Variants in RANBP3 observed in about 807,000 individuals in gnomAD.
RANBP3 encodes RAN binding protein 3.
In RANBP3, 14 loss-of-function variants were observed where a neutral mutation model predicts 77.3. The observed-to-expected ratio is 0.18, with a 90% CI of 0.12 to 0.28. The LOEUF is 0.28. Ranked by LOEUF, RANBP3 falls within the 10% of genes least tolerant of loss-of-function variation. The probability of loss-of-function intolerance (pLI) is 1.00; values close to 1 mark genes in which losing one functional copy is unlikely to be tolerated. For missense variants in RANBP3, 586 were observed against 752.3 expected (o/e 0.78, Z 2.59); for synonymous variants, 315 against 312.4 (o/e 1.01, Z -0.09).
In RANBP3 at chr19:5,937,969, C is replaced by A. The variant is rs754792277; in HGVS notation, c.406+3652G>T. Among the ~76,000 whole-genome samples, 6 of 152,192 alleles carry A rather than the reference C, an allele frequency of 3.9e-5. No homozygotes were observed. The East Asian group carries it at 1.2e-3, about 29-fold the overall frequency. On this transcript the variant is annotated intron_variant, in intron 5 of 16. Coordinates refer to ENST00000340578, the MANE Select transcript of RANBP3 (RefSeq NM_007322.3). ...TCTGTGCCCCCATCCAGACCACCACCTGCTAAGCGACACCCCAGGAATAAC... is the reference window on the plus strand; with the variant it reads ...TCTGTGCCCCCATCCAGACCACCACATGCTAAGCGACACCCCAGGAATAAC...
At chr19:5,920,694 T>C (rs1021323357) in intron 14 of RANBP3, among the ~76,000 whole-genome samples, 1 of 152,110 alleles carries the variant, frequency 6.6e-6, no homozygotes, top group African/African-American at 2.4e-5. Flanking sequence ...ATTACAGACA[T>C]GTATCACCAT....
chr19:5,941,671 A>G lies in RANBP3; in HGVS notation c.356T>C (p.Val119Ala). ...TAAAGAGGATGTTCTTTCTCGCTTG[A>G]CAGGAGGGCAGTAATTTCCATCTTC... ...DREDGNYCPP[V>A]KRERTSSLTQ... is the part of the protein sequence containing the mutation. Residue 119 changes from valine to alanine, a missense_variant, in exon 5 of 17, where the codon GTC becomes GCC. Transcript: ENST00000340578. The G allele has an allele frequency of 6.2e-7, 1 of 1,613,858 alleles. No individual in the cohort carries two copies. Among genetic ancestry groups the G allele is most frequent in the Non-Finnish European group, 8.5e-7 (1 of 1,179,922 alleles).
intron 3 of RANBP3, among the ~76,000 whole-genome samples, chr19:5,949,680 T>C (rs1375754527): frequency 6.6e-6 from 1 of 152,104 alleles, no homozygotes; most frequent in African/African-American, 2.4e-5. Context: ...CACCTGCCAG[T>C]GTGGGGGACT....
At chr19:5,937,656 G>T (rs1275268301) in intron 5 of RANBP3, among the ~76,000 whole-genome samples, 2 of 152,222 alleles carry the variant, frequency 1.3e-5, no homozygotes, top group East Asian at 3.8e-4. Context: ...GGCAGACAAG[G>T]ATGTGAAGTT....
chr19:5,953,281 C>T (rs2145192892), intron 2 of RANBP3, among the ~76,000 whole-genome samples: 1 of 152,302 alleles, frequency 6.6e-6, no homozygotes, highest in East Asian at 1.9e-4. Context: ...GAATCGTAAG[C>T]TCTAAAGAAC....
chr19:5,963,505 C>T (rs1451531231), intron 1 of RANBP3, among the ~76,000 whole-genome samples: 8 of 152,192 alleles, frequency 5.3e-5, no homozygotes, highest in Admixed American at 1.3e-4. Context: ...GAGCCATGAT[C>T]GTGCCACTGC....
rs372840249 is a variant in RANBP3, at chr19:5,933,415, T to G, written c.471A>C (p.Ala157=). The change falls in exon 6 of 17, where the codon GCA becomes GCC. Residue 157 remains alanine (A), a splice_region_variant and synonymous_variant. Transcript: ENST00000340578. The part of the protein sequence containing the change: ...PTLIHGQAPS[A]GLPSQKPKEQ... ...GCCCCAGGGAGGTAGACGACCTACC[T>G]GCGCTGGGGGCTTGGCCGTGGATCA... 1.2e-6 allele frequency: 2 copies of G among 1,611,190 alleles called. No homozygotes were observed. Among genetic ancestry groups the G allele is most frequent in the African/African-American group, 2.7e-5 (2 of 74,842 alleles).
In RANBP3 at chr19:5,959,497, G is replaced by GT. The variant is rs1474574379; in HGVS notation, c.23-1525dup. On this transcript the variant is annotated intron_variant, in intron 1 of 16. Transcript: ENST00000340578. The surrounding 1 kb of genome is among the most constrained non-coding windows in gnomAD (Gnocchi z 5.1). Reference sequence around the variant, plus strand: ...GGCACACCAGGGTCTGATTCACCGTGTACAGCCAAGGCAAACACTGGAGTG... The same window carrying GT: ...GGCACACCAGGGTCTGATTCACCGTGTTACAGCCAAGGCAAACACTGGAGTG... Among the ~76,000 whole-genome samples, 1 of 152,110 alleles carries GT rather than the reference G, an allele frequency of 6.6e-6. No homozygotes were observed. Among genetic ancestry groups the GT allele is most frequent in the East Asian group, 1.9e-4 (1 of 5,170 alleles).
chr19:5,927,658 C>T (rs928551430), intron 9 of RANBP3, among the ~76,000 whole-genome samples: 1 of 152,236 alleles, frequency 6.6e-6, no homozygotes, highest in African/African-American at 2.4e-5. Flanking sequence ...TCTTTCTTCT[C>T]TGCTATGAAA....
At chr19:5,928,721 C>T (rs2057947523) in intron 8 of RANBP3, among the ~76,000 whole-genome samples, 1 of 151,764 alleles carries the variant, frequency 6.6e-6, no homozygotes. Flanking sequence ...CTGCTTGTTA[C>T]TTTCTAGGAT....
intron 3 of RANBP3, among the ~76,000 whole-genome samples, 168 bp from the exon 4 acceptor site, chr19:5,942,003 C>G (rs117825184): frequency 6.6e-6 from 1 of 152,148 alleles, no homozygotes; most frequent in Non-Finnish European, 1.5e-5. Context: ...AACATCCCCC[C>G]GATGAACCTC....
At position 5,959,196 on chromosome 19, in the gene RANBP3, G is replaced by GGTC. The variant is rs2058370907; in HGVS notation, c.23-1224_23-1223insGAC. On this transcript the variant is annotated intron_variant, in intron 1 of 16. Coordinates refer to ENST00000340578, the MANE Select transcript of RANBP3 (RefSeq NM_007322.3). The surrounding 1 kb of genome is among the most constrained non-coding windows in gnomAD (Gnocchi z 5.1). Reference sequence around the variant, plus strand: ...GCCAGGGGCAGGCGGTGGGCATGCTGACTTGCTGGGGAAATGTCATAAAAG... The same window carrying GGTC: ...GCCAGGGGCAGGCGGTGGGCATGCTGGTCACTTGCTGGGGAAATGTCATAAAAG... Among the ~76,000 whole-genome samples, 1 of 152,168 alleles carries GGTC rather than the reference G, an allele frequency of 6.6e-6. No individual in the cohort carries two copies. The highest frequency in any genetic ancestry group is 1.5e-5 in the Non-Finnish European group (1 of 68,030).
chr19:5,918,670 C>A, intron 14 of RANBP3, 32 bp from the exon 15 acceptor site: 1 of 1,603,850 alleles, frequency 6.2e-7, no homozygotes, highest in Non-Finnish European at 8.5e-7. Flanking sequence ...AGCCCTGGCC[C>A]CCACACCGGC....
chr19:5,958,123 G>A lies in RANBP3; in HGVS notation c.23-150C>T, dbSNP rs2058357120. On this transcript the variant is annotated intron_variant, in intron 1 of 16. Coordinates refer to ENST00000340578, the MANE Select transcript of RANBP3 (RefSeq NM_007322.3). The surrounding 1 kb of genome is among the most constrained non-coding windows in gnomAD (Gnocchi z 4.4). The stretch of plus-strand genomic sequence containing the variant: ...ATCACTTAGAACAGCGTCTTGACTC[G>A]GATGCCTGGAGGCACAGGTGTGCTG... 6 of 726,192 alleles carry A rather than the reference G, an allele frequency of 8.3e-6. No homozygotes were observed. Among genetic ancestry groups the A allele is most frequent in the Non-Finnish European group, 1.4e-5 (6 of 443,338 alleles). The allele number at this position is 726,192 out of a possible 1,614,324, so 45.0% of individuals were successfully genotyped here. A position where few individuals can be genotyped will look rare whatever the true frequency, so the allele number is the denominator to read the frequency against.
At chr19:5,972,816 C>T (rs1186411823) in intron 1 of RANBP3, among the ~76,000 whole-genome samples, 1 of 152,208 alleles carries the variant, frequency 6.6e-6, no homozygotes, top group Non-Finnish European at 1.5e-5. Flanking sequence ...TGCTTCTGCT[C>T]ACTCTGACCA....
chr19:5,951,352 T>TC, intron 3 of RANBP3, 41 bp downstream of exon 3: 1 of 1,525,630 alleles, frequency 6.6e-7, no homozygotes, highest in Non-Finnish European at 8.9e-7. Flanking sequence ...TGGGTTGGGC[T>TC]CCCCCTGGGC....
chr19:5,927,842 G>A (rs1258724641), intron 9 of RANBP3, 126 bp downstream of exon 9: 3 of 1,264,916 alleles, frequency 2.4e-6, no homozygotes, highest in Non-Finnish European at 3.2e-6. Context: ...CCATGGGGCT[G>A]CCTCGCTAAC....
chr19:5,941,110 A>C (rs2058130273), intron 5 of RANBP3, among the ~76,000 whole-genome samples: 1 of 152,158 alleles, frequency 6.6e-6, no homozygotes, highest in Non-Finnish European at 1.5e-5. Context: ...GGGAGTTCAC[A>C]GCATCACACA....
At chr19:5,932,331 C>G (rs779321291) in intron 7 of RANBP3, 121 bp downstream of exon 7, 9 of 765,276 alleles carry the variant, frequency 1.2e-5, no homozygotes, top group Non-Finnish European at 2.0e-5. Context: ...CTTCCCTGAT[C>G]TCTCTGTATT....
Sources: gnomAD v4.1 joint callset for allele counts (sites outside exome capture counted in the v4.1 genomes callset) on GRCh38, gnomAD v4.1.1 for gene constraint, Gnocchi (gnomAD v3.1) non-coding constraint, MANE v1.5 for transcripts, NCBI Gene and HGNC (gene_info 2026-07-23, HGNC 2026-07-21) for gene names.